The following POFUT3 variants were observed in gnomAD, a reference collection of about 807,000 sequenced individuals.
The protein encoded by POFUT3 is protein O-fucosyltransferase 3.
the POFUT3 span, chr8:33,436,658 G>T: frequency 2.3e-6 from 2 of 858,584 alleles, no homozygotes; most frequent in Non-Finnish European, 3.9e-6. Context: ...ATCTCCCGCT[G>T]TGTAGCCTCC....
At chr8:33,323,091 G>T in the POFUT3 span, among the ~76,000 whole-genome samples, 1 of 152,120 alleles carries the variant, frequency 6.6e-6, no homozygotes, top group Non-Finnish European at 1.5e-5. Context: ...TCTCCCGCTT[G>T]CAAGGAAACA....
chr8:33,318,258 G>C, the POFUT3 span, among the ~76,000 whole-genome samples: 7 of 151,462 alleles, frequency 4.6e-5, 1 homozygote, highest in Admixed American at 4.7e-4. Context: ...ATAATATACT[G>C]TTTCACTTAA....
the POFUT3 span, among the ~76,000 whole-genome samples, chr8:33,414,546 G>C: frequency 2.0e-5 from 3 of 151,908 alleles, no homozygotes; most frequent in African/African-American, 2.4e-5. Flanking sequence ...CATTATCTAT[G>C]GGACTCCCTT....
At chr8:33,363,855 G>C in the POFUT3 span, among the ~76,000 whole-genome samples, 1 of 152,166 alleles carries the variant, frequency 6.6e-6, no homozygotes, top group Non-Finnish European at 1.5e-5. Context: ...GGAGGAGCTA[G>C]TACCATTCCT....
chr8:33,317,005 T>A, the POFUT3 span, among the ~76,000 whole-genome samples: 4 of 151,812 alleles, frequency 2.6e-5, no homozygotes, highest in Non-Finnish European at 5.9e-5. Context: ...AACCCCCTCA[T>A]CAACCCCCTT....
chr8:33,318,835 T>C, the POFUT3 span, among the ~76,000 whole-genome samples: 1 of 54,244 alleles, frequency 1.8e-5, no homozygotes, highest in Non-Finnish European at 2.7e-5. Flanking sequence ...ATTTTATATA[T>C]ATTTATATAA....
the POFUT3 span, among the ~76,000 whole-genome samples, chr8:33,414,443 A>C: frequency 6.6e-6 from 1 of 152,202 alleles, no homozygotes; most frequent in African/African-American, 2.4e-5. Flanking sequence ...CCCTATGAAG[A>C]GAGTATTTAA....
At chr8:33,312,574 C>T in the POFUT3 span, among the ~76,000 whole-genome samples, 1 of 152,070 alleles carries the variant, frequency 6.6e-6, no homozygotes, top group Non-Finnish European at 1.5e-5. Context: ...TAAAGTTTTT[C>T]AGAATCTCTC....
chr8:33,369,235 G>A, the POFUT3 span, among the ~76,000 whole-genome samples: 1 of 152,182 alleles, frequency 6.6e-6, no homozygotes, highest in Admixed American at 6.5e-5. Context: ...AGATGAGCAA[G>A]CTGAATCTTA....
At chr8:33,349,284 TA>T in the POFUT3 span, among the ~76,000 whole-genome samples, 10 of 152,174 alleles carry the variant, frequency 6.6e-5, no homozygotes, top group African/African-American at 2.2e-4. Context: ...ACAAGTGCCT[TA>T]AAAAAATTTT....
At chr8:33,461,561 T>C in the POFUT3 span, 948 of 1,569,650 alleles carry the variant, frequency 6.0e-4, 3 homozygotes, top group African/African-American at 0.011. Flanking sequence ...TGGGCGCCAA[T>C]TTCCTGCACT....
At chr8:33,471,012 G>C in the POFUT3 span, among the ~76,000 whole-genome samples, 2 of 151,684 alleles carry the variant, frequency 1.3e-5, no homozygotes, top group Non-Finnish European at 2.9e-5. Flanking sequence ...CATTTTCCTT[G>C]TTGGTAATTC....
chr8:33,451,452 G>A, the POFUT3 span, among the ~76,000 whole-genome samples: 2 of 151,858 alleles, frequency 1.3e-5, no homozygotes, highest in African/African-American at 4.8e-5. Context: ...ATGTGCATGT[G>A]TATATGTGTA....
chr8:33,450,899 C>A, the POFUT3 span, among the ~76,000 whole-genome samples: 293 of 152,264 alleles, frequency 1.9e-3, 1 homozygote, highest in African/African-American at 6.8e-3. Flanking sequence ...TTGTAGGCTT[C>A]CTGGCAACCA....
chr8:33,325,947 T>C, the POFUT3 span, among the ~76,000 whole-genome samples: 1 of 152,166 alleles, frequency 6.6e-6, no homozygotes, highest in East Asian at 1.9e-4. Context: ...GGCCAAGCAA[T>C]GCACGGTTTG....
the POFUT3 span, among the ~76,000 whole-genome samples, chr8:33,465,448 A>T: frequency 7.2e-6 from 1 of 139,360 alleles, no homozygotes; most frequent in African/African-American, 2.7e-5. Context: ...AGAGAGAGAG[A>T]GTTGTTGCTG....
At chr8:33,358,785 C>T in the POFUT3 span, among the ~76,000 whole-genome samples, 1 of 151,874 alleles carries the variant, frequency 6.6e-6, no homozygotes, top group East Asian at 1.9e-4. Flanking sequence ...GGAAGATTGC[C>T]TGAGCTCAGA....
chr8:33,384,144 T>G, the POFUT3 span, among the ~76,000 whole-genome samples: 1 of 152,058 alleles, frequency 6.6e-6, no homozygotes. Flanking sequence ...GTAGGTATTA[T>G]GAGTTATTGG....
chr8:33,472,151 C>T, the POFUT3 span, among the ~76,000 whole-genome samples: 1 of 152,184 alleles, frequency 6.6e-6, no homozygotes, highest in East Asian at 1.9e-4. Flanking sequence ...GAATAAAGTC[C>T]TGAAAGCCAA....
Sources: allele counts gnomAD v4.1 joint callset (sites outside exome capture counted in the v4.1 genomes callset), GRCh38; gene constraint gnomAD v4.1.1; transcripts MANE v1.5; gene names NCBI Gene and HGNC (gene_info 2026-07-23, HGNC 2026-07-21).